ATP11A: variants seen among roughly 807,000 people sequenced by gnomAD.
The protein encoded by ATP11A is phospholipid-transporting ATPase IH.
A neutral mutation model predicts 154.4 loss-of-function variants in ATP11A; 81 were observed. The ratio of observed to expected loss-of-function variants is 0.52; its 90% CI spans 0.44 to 0.63. The LOEUF (loss-of-function observed/expected upper bound fraction) is 0.63, where lower values mean the gene tolerates loss of function less well. ATP11A is among the 30% of genes least tolerant of loss of function. The pLI is 0.00. For synonymous variants in ATP11A, 623 were observed against 585.9 expected, an observed-to-expected ratio of 1.06 and a Z score of -0.91; for missense variants, 1,316 against 1,474.3, an observed-to-expected ratio of 0.89 and a Z score of 1.76.
At chr13:112,799,487 G>T (rs1257768095) in intron 2 of ATP11A, among the ~76,000 whole-genome samples, 2 of 152,178 alleles carry the variant, frequency 1.3e-5, no homozygotes, top group African/African-American at 4.8e-5. Flanking sequence ...GTTATCCCTT[G>T]TGGGCAGGGG....
At position 112,881,947 on chromosome 13, in the gene ATP11A, G is replaced by T. The variant is rs115526941; in HGVS notation, c.*81G>T. Reference sequence around the variant, plus strand: ...CCCACTCTCAGCAGGTGACACTCGCGGCCTGGAAGGAGAAGGTGTCCACGG... The same window carrying T: ...CCCACTCTCAGCAGGTGACACTCGCTGCCTGGAAGGAGAAGGTGTCCACGG... On this transcript the variant is annotated 3_prime_UTR_variant, in exon 30 of 30. Coordinates refer to ENST00000375645, the MANE Select transcript of ATP11A (RefSeq NM_015205.3). The T allele has an allele frequency of 2.8e-4, 378 of 1,367,742 alleles. No individual in the cohort carries two copies. In the African/African-American group the frequency reaches 4.8e-3, roughly 17 times the overall value. 84.7% of individuals were successfully genotyped at this position (1,367,742 alleles called of 1,614,324 possible).
intron 26 of ATP11A, among the ~76,000 whole-genome samples, chr13:112,872,290 T>G (rs1429731398): frequency 6.6e-6 from 1 of 152,254 alleles, no homozygotes; most frequent in African/African-American, 2.4e-5. Flanking sequence ...TTTTCTTAGA[T>G]AGTGATGTAA....
Position 112,785,072 on chromosome 13 carries a change from C to A in ATP11A, c.40-63C>A. On this transcript the variant is annotated intron_variant, in intron 1 of 29. Transcript: ENST00000375645. The surrounding 1 kb of genome is among the most constrained non-coding windows in gnomAD (Gnocchi z 4.8). ...GACGAACGTGCCTCAAGGCAACACT[C>A]TGGGCAAGAGCTTTTGATGCAGGTT... The A allele has an allele frequency of 1.4e-6, 2 of 1,388,708 alleles. No homozygotes were observed. Among genetic ancestry groups the A allele is most frequent in the Non-Finnish European group, 1.9e-6 (2 of 1,062,484 alleles). The allele number at this position is 1,388,708 out of a possible 1,614,324, so 86.0% of individuals were successfully genotyped here. A position where few individuals can be genotyped will look rare whatever the true frequency, so the allele number is the denominator to read the frequency against.
chr13:112,831,536 C>T lies in ATP11A; in HGVS notation c.1383C>T (p.Ser461=), dbSNP rs61741250. 34,654 of 1,613,988 alleles carry T rather than the reference C, an allele frequency of 0.021. 431 individuals are homozygous for T. The highest frequency in any genetic ancestry group is 0.064 in the Middle Eastern group (387 of 6,058). Residue 461 remains serine (S), a synonymous_variant, in exon 13 of 30, where the codon AGC becomes AGT. Transcript: ENST00000375645. Reference sequence around the variant, plus strand: ...TCGACATGATTGACTCGTCCCCCAGCGTCAACGGGAGGGTAGGTGGCAGCC... The same window carrying T: ...TCGACATGATTGACTCGTCCCCCAGTGTCAACGGGAGGGTAGGTGGCAGCC... ...SGIDMIDSSP[S]VNGREREELF... is the part of the protein sequence containing the mutation.
intron 1 of ATP11A, among the ~76,000 whole-genome samples, chr13:112,772,750 G>T (rs1007938253): frequency 1.3e-5 from 2 of 152,236 alleles, no homozygotes; most frequent in African/African-American, 4.8e-5. Context: ...AGCAGCCTGG[G>T]GCTTTGTGAC....
Position 112,690,374 on chromosome 13 carries a change from C to G in ATP11A, c.-43C>G. 7 of 1,255,352 alleles carry G rather than the reference C, an allele frequency of 5.6e-6. No homozygotes were observed. The highest frequency in any genetic ancestry group is 7.0e-6 in the Non-Finnish European group (7 of 1,000,328). The allele number at this position is 1,255,352 out of a possible 1,614,324, so 77.8% of individuals were successfully genotyped here. A position where few individuals can be genotyped will look rare whatever the true frequency, so the allele number is the denominator to read the frequency against. On this transcript the variant is annotated 5_prime_UTR_variant, in exon 1 of 30. Transcript: ENST00000375645. This position sits in a 1 kb window ranked among gnomAD's most constrained non-coding sequence, Gnocchi z 5.6. ...GAGCCCATGGGCGCGCCGAGCCGGGCGCGGGGGCGCTGAACGGCGGAGCGG... is the reference window on the plus strand; with the variant it reads ...GAGCCCATGGGCGCGCCGAGCCGGGGGCGGGGGCGCTGAACGGCGGAGCGG...
At chr13:112,749,446 G>GC (rs1180626930) in intron 1 of ATP11A, among the ~76,000 whole-genome samples, 2 of 152,182 alleles carry the variant, frequency 1.3e-5, no homozygotes, top group African/African-American at 4.8e-5. Flanking sequence ...TTGGTCAAAG[G>GC]CTTAAGGAAT....
intron 4 of ATP11A, among the ~76,000 whole-genome samples, chr13:112,808,716 G>T (rs1470951946): frequency 2.0e-5 from 3 of 152,116 alleles, no homozygotes; most frequent in South Asian, 2.1e-4. Flanking sequence ...CCATCTCCCC[G>T]CTGTCTCCGC....
chr13:112,823,188 C>A (rs970284528), intron 8 of ATP11A, among the ~76,000 whole-genome samples, 157 bp from the exon 9 acceptor site: 11 of 152,244 alleles, frequency 7.2e-5, no homozygotes, highest in African/African-American at 2.7e-4. Flanking sequence ...CCTGGGCTGA[C>A]TTAATCATCT....
In ATP11A at chr13:112,830,296, C is replaced by T. The variant is rs1173895128; in HGVS notation, c.1222-1079C>T. ...ACCCTTTTAAAAATGCTTTTAGGGC[C>T]AGGCACAGTGGCTCATGCCTGTAAT... On this transcript the variant is annotated intron_variant, in intron 12 of 29. Transcript: ENST00000375645. Among the ~76,000 whole-genome samples, 4 of 152,242 alleles carry T rather than the reference C, an allele frequency of 2.6e-5. No homozygotes were observed. In the East Asian group the frequency reaches 7.7e-4, roughly 29 times the overall value.
chr13:112,706,941 C>T (rs146443362), intron 1 of ATP11A, among the ~76,000 whole-genome samples: 403 of 152,170 alleles, frequency 2.6e-3, no homozygotes, highest in East Asian at 0.012. Context: ...TATTACTTGC[C>T]GTTTAAGTTT....
At chr13:112,731,946 G>GGC (rs879406109) in intron 1 of ATP11A, among the ~76,000 whole-genome samples, 1 of 141,112 alleles carries the variant, frequency 7.1e-6, no homozygotes, top group African/African-American at 2.8e-5. Context: ...GCGGGGGGGG[G>GGC]CAGGTGGCCC....
At chr13:112,836,846 C>T (rs916943502) in intron 16 of ATP11A, among the ~76,000 whole-genome samples, 3 of 152,232 alleles carry the variant, frequency 2.0e-5, no homozygotes, top group Non-Finnish European at 2.9e-5. Context: ...GGGCACTCTC[C>T]TGATCCTCCC....
intron 1 of ATP11A, among the ~76,000 whole-genome samples, chr13:112,710,149 C>A (rs573530925): frequency 6.6e-6 from 1 of 152,226 alleles, no homozygotes; most frequent in Non-Finnish European, 1.5e-5. Context: ...CGGCTGCAGT[C>A]GGGAATCACG....
chr13:112,768,529 TTAGA>T (rs1396184885), intron 1 of ATP11A, among the ~76,000 whole-genome samples: 1 of 152,234 alleles, frequency 6.6e-6, no homozygotes, highest in Non-Finnish European at 1.5e-5. Context: ...GTTGTCTTCA[TTAGA>T]TATATATTCA....
At chr13:112,797,118 A>T (rs111356922) in intron 2 of ATP11A, among the ~76,000 whole-genome samples, 1,953 of 151,610 alleles carry the variant, frequency 0.013, 48 homozygotes, top group African/African-American at 0.044. Flanking sequence ...AAAAATAAAA[A>T]TTTTTTTTAA....
intron 1 of ATP11A, among the ~76,000 whole-genome samples, chr13:112,716,147 T>A (rs1397641655): frequency 1.3e-5 from 2 of 152,166 alleles, no homozygotes; most frequent in East Asian, 3.9e-4. Context: ...CTTCTGCAGA[T>A]GCTGGGAGCC....
intron 1 of ATP11A, among the ~76,000 whole-genome samples, chr13:112,734,780 G>C (rs1365124876): frequency 6.6e-6 from 1 of 151,270 alleles, no homozygotes; most frequent in African/African-American, 2.5e-5. Context: ...AGCCGCACTT[G>C]GGGGGGATCA....
intron 1 of ATP11A, among the ~76,000 whole-genome samples, chr13:112,757,859 A>C (rs1230005230): frequency 1.3e-5 from 2 of 152,198 alleles, no homozygotes; most frequent in Non-Finnish European, 2.9e-5. Flanking sequence ...TGTGTGCGGC[A>C]GAAAGGCGAG....
Sources: allele counts gnomAD v4.1 joint callset (sites outside exome capture counted in the v4.1 genomes callset), GRCh38; gene constraint gnomAD v4.1.1; non-coding constraint Gnocchi (gnomAD v3.1); transcripts MANE v1.5; gene names NCBI Gene and HGNC (gene_info 2026-07-23, HGNC 2026-07-21).